EDA2R: variants seen among roughly 807,000 people sequenced by gnomAD.
EDA2R encodes the protein ectodysplasin A2 receptor.
Under a neutral mutation model 20.1 loss-of-function variants are expected in EDA2R, and 26 were observed. The ratio of observed to expected loss-of-function variants is 1.30; its 90% CI spans 0.95 to 1.80. The LOEUF is 1.80. EDA2R is among the 40% of genes most tolerant of loss of function. EDA2R has a pLI of 0.00. For synonymous variants in EDA2R, 114 were observed against 88.7 expected (o/e 1.29, Z -1.60); for missense variants, 277 against 228.7 (o/e 1.21, Z -1.36).
At position 66,599,958 on chromosome X, in the gene EDA2R, A is replaced by T. The variant is rs748408160; in HGVS notation, c.518-98T>A. 109 of 1,136,010 alleles carry T rather than the reference A, an allele frequency of 9.6e-5. No homozygotes were observed. The African/African-American group carries it at 1.9e-3, about 19-fold the overall frequency. 93.6% of individuals were successfully genotyped at this position (1,136,010 alleles called of 1,213,427 possible). ...AGTACAAGACAGGTAAAGGTCTGGGAGCTGATTCTTTCCTTCCTCTCCCTG... is the reference window on the plus strand; with the variant it reads ...AGTACAAGACAGGTAAAGGTCTGGGTGCTGATTCTTTCCTTCCTCTCCCTG... On this transcript the variant is annotated intron_variant, in intron 5 of 6. Coordinates refer to ENST00000374719, the MANE Select transcript of EDA2R (RefSeq NM_021783.5).
intron 2 of EDA2R, among the ~76,000 whole-genome samples, chrX:66,608,811 T>G (rs1440895218): frequency 9.0e-6 from 1 of 111,134 alleles, no homozygotes; most frequent in Non-Finnish European, 1.9e-5. Context: ...ATAGCAAAAT[T>G]TGTAGAGACA....
intron 1 of EDA2R, among the ~76,000 whole-genome samples, chrX:66,638,503 C>A (rs1425709192): frequency 9.0e-6 from 1 of 110,674 alleles, no homozygotes; most frequent in Admixed American, 9.6e-5. Context: ...TCAAGTGAAA[C>A]CAAGCTCGGC....
At chrX:66,604,677 C>T (rs888665241) in intron 3 of EDA2R, among the ~76,000 whole-genome samples, 171 bp from the exon 4 acceptor site, 2 of 111,833 alleles carry the variant, frequency 1.8e-5, no homozygotes, top group African/African-American at 6.5e-5. Flanking sequence ...GACCCAGACA[C>T]TCTACTTCTT....
intron 1 of EDA2R, among the ~76,000 whole-genome samples, chrX:66,618,934 T>C (rs867691583): frequency 1.8e-5 from 2 of 112,368 alleles, no homozygotes; most frequent in African/African-American, 3.2e-5. Context: ...TTAAATAATA[T>C]ACTGCACAGT....
intron 2 of EDA2R, 108 bp from the exon 3 acceptor site, chrX:66,605,334 A>C (rs1263336166): frequency 1.5e-6 from 1 of 674,800 alleles, no homozygotes; most frequent in Admixed American, 4.4e-5. Context: ...TTGCAACCCC[A>C]TTACTAAGTC....
At position 66,615,913 on chromosome X, in the gene EDA2R, G is replaced by A. The variant is rs147021874; in HGVS notation, c.87+21C>T. ...TTCCTAAGATGCAACAGAAATAAGT[G>A]TACTGAATAGGATAACTTACCTTGG... is the stretch of plus-strand genomic sequence containing the variant. On this transcript the variant is annotated intron_variant, in intron 2 of 6. Coordinates refer to ENST00000374719, the MANE Select transcript of EDA2R (RefSeq NM_021783.5). The A allele has an allele frequency of 8.5e-6, 10 of 1,176,280 alleles. No homozygotes were observed. In the African/African-American group the frequency reaches 1.8e-4, roughly 21 times the overall value.
chrX:66,604,935 A>G, intron 3 of EDA2R, 113 bp downstream of exon 3: 1 of 714,849 alleles, frequency 1.4e-6, no homozygotes, highest in African/African-American at 2.2e-5. Flanking sequence ...GCTTAAACTG[A>G]ATATTATGTT....
intron 4 of EDA2R, among the ~76,000 whole-genome samples, chrX:66,603,698 T>C (rs922487666): frequency 8.9e-6 from 1 of 112,083 alleles, no homozygotes; most frequent in African/African-American, 3.2e-5. Context: ...AGGATAGTGG[T>C]TGTATCTGAG....
chrX:66,626,844 G>T (rs1933141946), intron 1 of EDA2R, among the ~76,000 whole-genome samples: 2 of 90,811 alleles, frequency 2.2e-5, no homozygotes, highest in South Asian at 1.4e-3. Flanking sequence ...AGAGGAGAGG[G>T]GAGGGGAGGG....
At chrX:66,630,820 T>TACACAC (rs780295995) in intron 1 of EDA2R, among the ~76,000 whole-genome samples, 27 of 39,548 alleles carry the variant, frequency 6.8e-4, no homozygotes, top group East Asian at 1.7e-3. Flanking sequence ...CATATATATA[T>TACACAC]ATACACACAC....
At chrX:66,627,190 C>A (rs985785381) in intron 1 of EDA2R, among the ~76,000 whole-genome samples, 1 of 111,597 alleles carries the variant, frequency 9.0e-6, no homozygotes, top group African/African-American at 3.3e-5. Flanking sequence ...CACACAGGAC[C>A]TATCAAACAA....
intron 1 of EDA2R, among the ~76,000 whole-genome samples, chrX:66,633,928 G>A (rs1367866637): frequency 9.0e-6 from 1 of 111,266 alleles, no homozygotes; most frequent in Non-Finnish European, 1.9e-5. Context: ...TGTTGGTCTT[G>A]CCCCACACTC....
intron 6 of EDA2R, among the ~76,000 whole-genome samples, chrX:66,599,134 T>G (rs1928020282): frequency 8.9e-6 from 1 of 112,150 alleles, no homozygotes; most frequent in South Asian, 3.7e-4. Context: ...GTATATCTTT[T>G]TCTACTGTGC....
intron 1 of EDA2R, among the ~76,000 whole-genome samples, chrX:66,629,325 T>C (rs908211666): frequency 7.2e-5 from 8 of 111,494 alleles, no homozygotes; most frequent in Non-Finnish European, 1.9e-5. Flanking sequence ...AACATAGTAC[T>C]GGAAGTCCTC....
intron 2 of EDA2R, among the ~76,000 whole-genome samples, chrX:66,613,914 CA>C (rs1343560467): frequency 1.8e-5 from 2 of 111,420 alleles, no homozygotes; most frequent in African/African-American, 6.5e-5. Context: ...CTTATTCAAA[CA>C]ATTGCCCCTC....
At chrX:66,637,674 G>C (rs1017753636) in intron 1 of EDA2R, among the ~76,000 whole-genome samples, 1 of 112,320 alleles carries the variant, frequency 8.9e-6, no homozygotes, top group African/African-American at 3.2e-5. Flanking sequence ...ATCTCCACCT[G>C]TTGAAATCTT....
At chrX:66,598,123 A>G in intron 6 of EDA2R, 30 bp from the exon 7 acceptor site, 1 of 748,360 alleles carries the variant, frequency 1.3e-6, no homozygotes, top group Non-Finnish European at 1.8e-6. Flanking sequence ...AGTTAGAAAC[A>G]TGTGGGGAAA....
chrX:66,617,054 G>A (rs754278322), intron 1 of EDA2R, among the ~76,000 whole-genome samples: 1 of 112,051 alleles, frequency 8.9e-6, no homozygotes, highest in South Asian at 3.8e-4. Context: ...TACTCAAAGA[G>A]AAAGGTAGCA....
At chrX:66,633,433 A>G (rs1391976112) in intron 1 of EDA2R, among the ~76,000 whole-genome samples, 2 of 111,829 alleles carry the variant, frequency 1.8e-5, no homozygotes, top group Non-Finnish European at 3.8e-5. Flanking sequence ...ACTGACTGCT[A>G]AAATACTCTT....
Sources: gnomAD v4.1 joint callset for allele counts (sites outside exome capture counted in the v4.1 genomes callset) on GRCh38, gnomAD v4.1.1 for gene constraint, MANE v1.5 for transcripts, NCBI Gene and HGNC (gene_info 2026-07-23, HGNC 2026-07-21) for gene names.